The following RELCH variants were observed in gnomAD, a reference collection of about 807,000 sequenced individuals.
RELCH encodes the protein RAB11-binding protein RELCH.
In RELCH, 41 loss-of-function variants were observed where a neutral mutation model predicts 150.3. That is an observed-to-expected ratio of 0.27 (90% CI 0.21 to 0.35). The LOEUF is 0.35. RELCH is among the 10% of genes least tolerant of loss of function. The pLI, the probability that RELCH is intolerant of heterozygous loss-of-function variation, is 1.00. For synonymous variants in RELCH, 478 were observed against 531.8 expected (o/e 0.90, Z 1.39); for missense variants, 1,092 against 1,467.8 (o/e 0.74, Z 4.18).
chr18:62,291,777 G>A (rs906550509), intron 27 of RELCH, 146 bp downstream of exon 27: 17 of 587,308 alleles, frequency 2.9e-5, no homozygotes, highest in South Asian at 1.9e-4. Context: ...TACTAGATGC[G>A]ATATCTTCAG....
Position 62,305,462 on chromosome 18 carries a change from G to A in RELCH, c.3579G>A (p.Lys1193=), listed in dbSNP as rs1233154046. The A allele has an allele frequency of 3.1e-6, 5 of 1,612,054 alleles. No individual in the cohort carries two copies. Among genetic ancestry groups the A allele is most frequent in the Admixed American group, 1.7e-5 (1 of 59,854 alleles). ...TAGTGAGTGAAGATACAAAGACCAA[G>A]TTTTTGAACAAAATGGGCCAGTTGA... ...ASLVSEDTKT[K]FLNKMGQLTT... Residue 1193 remains lysine (K), a synonymous_variant, in exon 29 of 29, where the codon AAG becomes AAA. Transcript: ENST00000644646. The surrounding 1 kb of genome is among the most constrained non-coding windows in gnomAD (Gnocchi z 4.0).
Position 62,257,925 on chromosome 18 carries a change from A to G in RELCH, c.1897-23A>G, listed in dbSNP as rs1005246891. Reference sequence around the variant, plus strand: ...CTTCTGTGCTTAGGTGTAAATAAATAGTAAAAACATGTTTATTTTCAGAAA... The same window carrying G: ...CTTCTGTGCTTAGGTGTAAATAAATGGTAAAAACATGTTTATTTTCAGAAA... On this transcript the variant is annotated intron_variant, in intron 13 of 28. Transcript: ENST00000644646. 5.8e-6 allele frequency: 9 copies of G among 1,562,762 alleles called. No individual in the cohort carries two copies. In the East Asian group the frequency reaches 6.8e-5, roughly 12 times the overall value.
rs946507456 is a variant in RELCH, at chr18:62,299,865, TA to T, written c.3530+1012del. 1.2e-4 allele frequency among the ~76,000 whole-genome samples: 19 copies of T among 152,286 alleles called. 1 individual carries two copies. In the Middle Eastern group the frequency reaches 0.014, roughly 109 times the overall value. ...GTATCTTTTAAAGATAAGTATTATTTAAAAAAACATAAACACAATATCATTA... is the reference window on the plus strand; with the variant it reads ...GTATCTTTTAAAGATAAGTATTATTTAAAAAACATAAACACAATATCATTA... On this transcript the variant is annotated intron_variant, in intron 28 of 28. Transcript: ENST00000644646.
At chr18:62,211,918 A>C (rs2040195625) in intron 2 of RELCH, among the ~76,000 whole-genome samples, 1 of 152,188 alleles carries the variant, frequency 6.6e-6, no homozygotes, top group African/African-American at 2.4e-5. Context: ...ATGATCCAAA[A>C]AAAAGAGGGT....
At chr18:62,189,161 C>A (rs892227838) in intron 1 of RELCH, among the ~76,000 whole-genome samples, 8 of 150,924 alleles carry the variant, frequency 5.3e-5, no homozygotes, top group African/African-American at 2.0e-4. Context: ...GGATAATCTT[C>A]TTTTTCGGGA....
At chr18:62,230,296 C>CA (rs1384596626) in intron 8 of RELCH, among the ~76,000 whole-genome samples, 2 of 151,038 alleles carry the variant, frequency 1.3e-5, no homozygotes, top group African/African-American at 2.4e-5. Context: ...GACCCCATCT[C>CA]AAAAAAAAGG....
Position 62,310,101 on chromosome 18 carries a change from C to T in RELCH, c.*4567C>T, listed in dbSNP as rs1422484644. ...CTGAGTAATATAAATATAATAATTT[C>T]TCATTGACTTTATGATTTCATAGAT... On this transcript the variant is annotated 3_prime_UTR_variant, in exon 29 of 29. Coordinates refer to ENST00000644646, the MANE Select transcript of RELCH (RefSeq NM_001346231.2). 2 of 151,972 alleles carry T rather than the reference C, an allele frequency of 1.3e-5. No individual in the cohort carries two copies. The highest frequency in any genetic ancestry group is 1.9e-4 in the East Asian group (1 of 5,184). 9.4% of individuals were successfully genotyped at this position (151,972 alleles called of 1,614,324 possible). A position where few individuals can be genotyped will look rare whatever the true frequency, so the allele number is the denominator to read the frequency against.
At chr18:62,190,367 A>G (rs1272695602) in intron 1 of RELCH, among the ~76,000 whole-genome samples, 7 of 152,190 alleles carry the variant, frequency 4.6e-5, no homozygotes, top group East Asian at 1.9e-4. Flanking sequence ...TCACGAGGTC[A>G]GGATTTCGAG....
At chr18:62,208,272 T>C (rs2039938128) in intron 1 of RELCH, among the ~76,000 whole-genome samples, 1 of 152,010 alleles carries the variant, frequency 6.6e-6, no homozygotes, top group Non-Finnish European at 1.5e-5. Context: ...CATGTAGATA[T>C]GGCCCTTAAC....
chr18:62,280,256 C>A, intron 23 of RELCH: 1 of 893,156 alleles, frequency 1.1e-6, no homozygotes, highest in Non-Finnish European at 1.8e-6. Flanking sequence ...ATGACTAAAC[C>A]AAGAAAGGCC....
intron 28 of RELCH, among the ~76,000 whole-genome samples, chr18:62,303,473 C>T (rs931424483): frequency 2.6e-5 from 4 of 152,162 alleles, no homozygotes; most frequent in African/African-American, 9.7e-5. Context: ...TCATGGTTGG[C>T]CTCCTCTTAG....
chr18:62,250,841 C>G (rs1262222316), intron 11 of RELCH, among the ~76,000 whole-genome samples: 1 of 152,144 alleles, frequency 6.6e-6, no homozygotes, highest in Admixed American at 6.5e-5. Flanking sequence ...AATGCCTAGA[C>G]GTAAAGTACT....
rs978737196 is a variant in RELCH, at chr18:62,279,767, C to G, written c.2968-7C>G. 3 of 1,530,740 alleles carry G rather than the reference C, an allele frequency of 2.0e-6. No homozygotes were observed. Among genetic ancestry groups the G allele is most frequent in the Non-Finnish European group, 2.6e-6 (3 of 1,142,074 alleles). The allele number at this position is 1,530,740 out of a possible 1,614,324, so 94.8% of individuals were successfully genotyped here. On this transcript the variant is annotated splice_polypyrimidine_tract_variant and splice_region_variant and intron_variant, in intron 22 of 28. Coordinates refer to ENST00000644646, the MANE Select transcript of RELCH (RefSeq NM_001346231.2). ...ACCTGTGAATACCCCCTGTGCTGAC[C>G]AATCAGCTGTTGGTGAAGGGGGTGA...
chr18:62,280,183 A>G lies in RELCH; in HGVS notation c.3050+327A>G, dbSNP rs188196619. 1.2e-5 allele frequency: 7 copies of G among 605,704 alleles called. No homozygotes were observed. The East Asian group carries it at 1.7e-4, about 14-fold the overall frequency. 37.5% of individuals were successfully genotyped at this position (605,704 alleles called of 1,614,324 possible). On this transcript the variant is annotated intron_variant, in intron 23 of 28. Coordinates refer to ENST00000644646, the MANE Select transcript of RELCH (RefSeq NM_001346231.2). The stretch of plus-strand genomic sequence containing the variant: ...GGGATGCTCTCCTAATCTCACTAAC[A>G]GGTTGTTACCAGTAAGTGTAGTAGC...
chr18:62,235,484 C>T (rs1186409299), intron 10 of RELCH: 1 of 152,014 alleles, frequency 6.6e-6, no homozygotes, highest in Non-Finnish European at 1.5e-5. Context: ...TTCACTTCTG[C>T]AAAACAGGTC....
At chr18:62,226,148 G>A (rs1254976481) in intron 5 of RELCH, among the ~76,000 whole-genome samples, 1 of 151,924 alleles carries the variant, frequency 6.6e-6, no homozygotes, top group Non-Finnish European at 1.5e-5. Context: ...ATTTCTTAGA[G>A]GTTCTCATAG....
chr18:62,244,626 C>A, intron 10 of RELCH, 138 bp from the exon 11 acceptor site: 1 of 557,920 alleles, frequency 1.8e-6, no homozygotes, highest in Non-Finnish European at 3.2e-6. Flanking sequence ...AATTACCAAC[C>A]TTACAAAATT....
chr18:62,259,479 G>C (rs1352039171), intron 15 of RELCH, among the ~76,000 whole-genome samples: 1 of 151,572 alleles, frequency 6.6e-6, no homozygotes. Flanking sequence ...GAAAGAAATT[G>C]AAGAGGAAAT....
At chr18:62,247,004 A>C (rs1363815577) in intron 11 of RELCH, 1 of 152,220 alleles carries the variant, frequency 6.6e-6, no homozygotes, top group South Asian at 2.1e-4. Flanking sequence ...AATTATCATC[A>C]TTGTCAAGAG....
Sources: gnomAD v4.1 joint callset for allele counts (sites outside exome capture counted in the v4.1 genomes callset) on GRCh38, gnomAD v4.1.1 for gene constraint, Gnocchi (gnomAD v3.1) non-coding constraint, MANE v1.5 for transcripts, NCBI Gene and HGNC (gene_info 2026-07-23, HGNC 2026-07-21) for gene names.